Variants in PLEKHM3 observed in about 807,000 individuals in gnomAD.
PLEKHM3 encodes pleckstrin homology domain-containing family M member 3.
A neutral mutation model predicts 81.8 loss-of-function variants in PLEKHM3; 45 were observed. The observed-to-expected ratio is 0.55, with a 90% CI of 0.43 to 0.71. The LOEUF (loss-of-function observed/expected upper bound fraction) is 0.71, where lower values mean the gene tolerates loss of function less well. Ranked by LOEUF, PLEKHM3 falls within the 30% of genes least tolerant of loss-of-function variation. PLEKHM3 has a pLI of 0.00. For missense variants in PLEKHM3, 788 were observed against 924.3 expected, an observed-to-expected ratio of 0.85 and a Z score of 1.91; for synonymous variants, 352 against 356.4, an observed-to-expected ratio of 0.99 and a Z score of 0.14.
intron 2 of PLEKHM3, among the ~76,000 whole-genome samples, chr2:207,984,888 G>A (rs1048266553): frequency 2.6e-5 from 4 of 151,554 alleles, no homozygotes; most frequent in Non-Finnish European, 4.4e-5. Flanking sequence ...TTACTTCAAT[G>A]TTCCTGTTTC....
In PLEKHM3 at chr2:207,821,387, G is replaced by C. The variant is rs1405741318; in HGVS notation, c.*6932C>G. 1 of 151,716 alleles carries C rather than the reference G, an allele frequency of 6.6e-6. No homozygotes were observed. Among genetic ancestry groups the C allele is most frequent in the African/African-American group, 2.4e-5 (1 of 41,282 alleles). The allele number at this position is 151,716 out of a possible 1,614,324, so 9.4% of individuals were successfully genotyped here. Reference sequence around the variant, plus strand: ...TGACAGATGACCTTAAAAACTAGAGGTATTGTCAACAATACAACTTCAATT... The same window carrying C: ...TGACAGATGACCTTAAAAACTAGAGCTATTGTCAACAATACAACTTCAATT... On this transcript the variant is annotated 3_prime_UTR_variant, in exon 8 of 8. Coordinates refer to ENST00000427836, the MANE Select transcript of PLEKHM3 (RefSeq NM_001080475.3).
chr2:208,023,151 T>A (rs1057441150), intron 1 of PLEKHM3, among the ~76,000 whole-genome samples: 2 of 141,730 alleles, frequency 1.4e-5, no homozygotes. Flanking sequence ...CATATTAACC[T>A]TTTTTTTTTT....
Position 207,976,520 on chromosome 2 carries a change from C to T in PLEKHM3, c.1546+131G>A, listed in dbSNP as rs1013304305. 2.7e-5 allele frequency: 23 copies of T among 863,790 alleles called. No homozygotes were observed. The highest frequency in any genetic ancestry group is 5.9e-5 in the Admixed American group (2 of 34,070). 53.5% of individuals were successfully genotyped at this position (863,790 alleles called of 1,614,324 possible). ...GGATGTTTTAATACAGTAAGCTTCT[C>T]GAGGAGAGATACTTTTTATAAACAG... On this transcript the variant is annotated intron_variant, in intron 3 of 7. Transcript: ENST00000427836. The surrounding 1 kb of genome is among the most constrained non-coding windows in gnomAD (Gnocchi z 4.1).
In PLEKHM3 at chr2:207,821,656, C is replaced by T. The variant is rs971467834; in HGVS notation, c.*6663G>A. Reference sequence around the variant, plus strand: ...TAGACCTGACCCAGGAGCTACAGAACAAGTTTTGCAGAAGTTTTTTACATC... The same window carrying T: ...TAGACCTGACCCAGGAGCTACAGAATAAGTTTTGCAGAAGTTTTTTACATC... On this transcript the variant is annotated 3_prime_UTR_variant, in exon 8 of 8. Coordinates refer to ENST00000427836, the MANE Select transcript of PLEKHM3 (RefSeq NM_001080475.3). 3 of 152,184 alleles carry T rather than the reference C, an allele frequency of 2.0e-5. No homozygotes were observed. Among genetic ancestry groups the T allele is most frequent in the African/African-American group, 7.2e-5 (3 of 41,522 alleles). The allele number at this position is 152,184 out of a possible 1,614,324, so 9.4% of individuals were successfully genotyped here.
In PLEKHM3 at chr2:207,843,623, C is replaced by A. The variant is rs73062854; in HGVS notation, c.2109-15127G>T. ...ACCTCAGGCCTCTGAGCTCATTCCA[C>A]GCTGCCTCCCTCTCTGACTCCTGTG... On this transcript the variant is annotated intron_variant, in intron 7 of 7. Coordinates refer to ENST00000427836, the MANE Select transcript of PLEKHM3 (RefSeq NM_001080475.3). This position sits in a 1 kb window ranked among gnomAD's most constrained non-coding sequence, Gnocchi z 4.4. 4.8e-3 allele frequency among the ~76,000 whole-genome samples: 732 copies of A among 152,298 alleles called. 8 individuals are homozygous for A. Among genetic ancestry groups the A allele is most frequent in the African/African-American group, 0.017 (707 of 41,564 alleles).
At chr2:207,984,399 T>G (rs1486919709) in intron 2 of PLEKHM3, among the ~76,000 whole-genome samples, 1 of 152,090 alleles carries the variant, frequency 6.6e-6, no homozygotes, top group Non-Finnish European at 1.5e-5. Context: ...AATATTTCTT[T>G]TTTTTTTTTG....
intron 5 of PLEKHM3, among the ~76,000 whole-genome samples, chr2:207,923,855 G>GCGCACACACACACACACA (rs1257171999): frequency 2.1e-4 from 4 of 18,912 alleles, no homozygotes; most frequent in African/African-American, 5.6e-4. Flanking sequence ...ACACACGCAC[G>GCGCACACACACACACACA]CACACACACA....
intron 2 of PLEKHM3, among the ~76,000 whole-genome samples, chr2:207,987,260 A>C (rs1003075080): frequency 2.6e-5 from 4 of 151,930 alleles, no homozygotes; most frequent in Admixed American, 6.6e-5. Context: ...CCATTCAAAC[A>C]CCTACCAGCC....
At chr2:207,999,627 A>T (rs1177797996) in intron 2 of PLEKHM3, among the ~76,000 whole-genome samples, 1 of 152,188 alleles carries the variant, frequency 6.6e-6, no homozygotes, top group East Asian at 1.9e-4. Flanking sequence ...TTAAAAGAAG[A>T]AAAAATACAT....
At chr2:207,957,487 A>G (rs1412286345) in intron 3 of PLEKHM3, among the ~76,000 whole-genome samples, 2 of 152,208 alleles carry the variant, frequency 1.3e-5, no homozygotes, top group Admixed American at 6.5e-5. Flanking sequence ...TCATTAGATC[A>G]GGAGTTCAAG....
At chr2:207,866,285 G>T (rs1045561381) in intron 6 of PLEKHM3, among the ~76,000 whole-genome samples, 1 of 151,880 alleles carries the variant, frequency 6.6e-6, no homozygotes, top group Non-Finnish European at 1.5e-5. Flanking sequence ...CCTCCCAAGT[G>T]GCTGGGATTA....
At chr2:207,870,958 A>G (rs1042331513) in intron 6 of PLEKHM3, among the ~76,000 whole-genome samples, 5 of 152,052 alleles carry the variant, frequency 3.3e-5, no homozygotes, top group African/African-American at 1.2e-4. Context: ...AAATTAAAAA[A>G]TTAGCCGATT....
chr2:207,899,187 T>C (rs1688339989), intron 6 of PLEKHM3, among the ~76,000 whole-genome samples: 1 of 152,240 alleles, frequency 6.6e-6, no homozygotes, highest in South Asian at 2.1e-4. Context: ...GTTACATTTC[T>C]GAATTGGGTG....
chr2:207,972,185 T>A (rs1691145592), intron 3 of PLEKHM3, among the ~76,000 whole-genome samples: 1 of 152,190 alleles, frequency 6.6e-6, no homozygotes, highest in African/African-American at 2.4e-5. Context: ...AATGACAGAA[T>A]GAATGAAACA....
In PLEKHM3 at chr2:207,956,673, G is replaced by T. The variant is rs117288024; in HGVS notation, c.1547-10161C>A. Among the ~76,000 whole-genome samples, 170 of 146,104 alleles carry T rather than the reference G, an allele frequency of 1.2e-3. 4 individuals carry two copies. The East Asian group carries it at 0.031, about 26-fold the overall frequency. On this transcript the variant is annotated intron_variant, in intron 3 of 7. Coordinates refer to ENST00000427836, the MANE Select transcript of PLEKHM3 (RefSeq NM_001080475.3). ...TGATCCTCCCACCTCAGCCTCCTGG[G>T]TATCAAAGGTTACAGGTGCATGCCA...
At chr2:207,872,027 G>A (rs1199902395) in intron 6 of PLEKHM3, among the ~76,000 whole-genome samples, 1 of 152,100 alleles carries the variant, frequency 6.6e-6, no homozygotes, top group Non-Finnish European at 1.5e-5. Flanking sequence ...ACTCACCTTC[G>A]TTACTTAATA....
intron 6 of PLEKHM3, among the ~76,000 whole-genome samples, chr2:207,872,921 A>G (rs868186016): frequency 6.6e-6 from 1 of 152,212 alleles, no homozygotes; most frequent in Non-Finnish European, 1.5e-5. Flanking sequence ...CTGAGGAAAA[A>G]CAGAAAGCAA....
At chr2:207,911,326 T>C (rs755755792) in intron 5 of PLEKHM3, among the ~76,000 whole-genome samples, 33 of 152,244 alleles carry the variant, frequency 2.2e-4, no homozygotes, top group Non-Finnish European at 4.1e-4. Flanking sequence ...AACCAGAATG[T>C]TCACATGTAC....
At chr2:207,950,516 T>C (rs1439831176) in intron 3 of PLEKHM3, among the ~76,000 whole-genome samples, 1 of 152,210 alleles carries the variant, frequency 6.6e-6, no homozygotes, top group Non-Finnish European at 1.5e-5. Context: ...ATTTTGACTC[T>C]GTAGATCTTG....
Sources: allele counts gnomAD v4.1 joint callset (sites outside exome capture counted in the v4.1 genomes callset), GRCh38; gene constraint gnomAD v4.1.1; non-coding constraint Gnocchi (gnomAD v3.1); transcripts MANE v1.5; gene names NCBI Gene and HGNC (gene_info 2026-07-23, HGNC 2026-07-21).